Variants in PXDNL observed in about 807,000 individuals in gnomAD.
PXDNL encodes peroxidasin like, also known as probable oxidoreductase PXDNL.
In PXDNL, 145 loss-of-function variants were observed where a neutral mutation model predicts 150.8. The observed-to-expected ratio is 0.96, with a 90% confidence interval of 0.84 to 1.10. The LOEUF is 1.10. Among genes scored for constraint, PXDNL ranks in the 50% least tolerant of loss-of-function variants. PXDNL has a pLI of 0.00. For missense variants in PXDNL, 2,087 were observed against 1,873.9 expected (o/e 1.11, Z -2.10); for synonymous variants, 757 against 725.7 (o/e 1.04, Z -0.69).
chr8:51,507,002 A>C (rs1271663290), intron 4 of PXDNL, among the ~76,000 whole-genome samples: 1 of 152,102 alleles, frequency 6.6e-6, no homozygotes, highest in Non-Finnish European at 1.5e-5. Flanking sequence ...TTTTCCATTA[A>C]GGACTTAGTG....
At chr8:51,795,153 T>TA (rs2037548541) in intron 1 of PXDNL, among the ~76,000 whole-genome samples, 2 of 152,278 alleles carry the variant, frequency 1.3e-5, no homozygotes, top group East Asian at 3.9e-4. Context: ...AAAAAGCTCT[T>TA]AGAGACCTAC....
intron 19 of PXDNL, among the ~76,000 whole-genome samples, chr8:51,369,071 G>C (rs1807012219): frequency 6.6e-6 from 1 of 152,124 alleles, no homozygotes; most frequent in African/African-American, 2.4e-5. Flanking sequence ...AGTGAGATTA[G>C]CAAAGGAGAG....
At chr8:51,713,695 T>A (rs1348767660) in intron 1 of PXDNL, among the ~76,000 whole-genome samples, 1 of 152,144 alleles carries the variant, frequency 6.6e-6, no homozygotes, top group Non-Finnish European at 1.5e-5. Context: ...AGAAAAAAAA[T>A]TCAATGAAGA....
At chr8:51,733,162 C>T (rs1034497228) in intron 1 of PXDNL, among the ~76,000 whole-genome samples, 1 of 152,128 alleles carries the variant, frequency 6.6e-6, no homozygotes, top group South Asian at 2.1e-4. Flanking sequence ...GCTTTAGAAC[C>T]AAATCCAAGA....
At chr8:51,355,077 A>T (rs1806464827) in intron 19 of PXDNL, among the ~76,000 whole-genome samples, 1 of 152,178 alleles carries the variant, frequency 6.6e-6, no homozygotes, top group Admixed American at 6.5e-5. Context: ...AAAAATAGCA[A>T]AAACTGTCAA....
intron 4 of PXDNL, among the ~76,000 whole-genome samples, chr8:51,516,536 C>A (rs139873709): frequency 6.6e-6 from 1 of 152,214 alleles, no homozygotes; most frequent in South Asian, 2.1e-4. Flanking sequence ...TTGTTGATGG[C>A]GCTTTATTTT....
intron 17 of PXDNL, among the ~76,000 whole-genome samples, chr8:51,377,906 G>A (rs1807389379): frequency 6.6e-6 from 1 of 152,250 alleles, no homozygotes. Flanking sequence ...GAGGAGTGCA[G>A]GAGCAGAGCA....
chr8:51,539,948 T>C lies in PXDNL; in HGVS notation c.380+16892A>G, dbSNP rs200610223. 1.6e-3 allele frequency among the ~76,000 whole-genome samples: 239 copies of C among 152,196 alleles called. 7 individuals are homozygous for C. In the East Asian group the frequency reaches 0.03, roughly 19 times the overall value. Reference sequence around the variant, plus strand: ...TCAGTTATCTACTACCTTTTTTTTTTTTTAGACAGAGTCTCACTCTGTCAA... The same window carrying C: ...TCAGTTATCTACTACCTTTTTTTTTCTTTAGACAGAGTCTCACTCTGTCAA... On this transcript the variant is annotated intron_variant, in intron 4 of 22. Coordinates refer to ENST00000356297, the MANE Select transcript of PXDNL (RefSeq NM_144651.5).
At chr8:51,783,513 C>T (rs2037434254) in intron 1 of PXDNL, among the ~76,000 whole-genome samples, 1 of 152,162 alleles carries the variant, frequency 6.6e-6, no homozygotes, top group South Asian at 2.1e-4. Flanking sequence ...AGAGTTCACC[C>T]CAGCAGTATA....
intron 2 of PXDNL, among the ~76,000 whole-genome samples, chr8:51,601,219 T>C (rs1813714354): frequency 6.6e-6 from 1 of 151,798 alleles, no homozygotes; most frequent in Non-Finnish European, 1.5e-5. Flanking sequence ...GAGTATTCCG[T>C]AATGTTTATT....
intron 1 of PXDNL, among the ~76,000 whole-genome samples, chr8:51,740,649 C>T (rs2036895440): frequency 6.6e-6 from 1 of 151,832 alleles, no homozygotes; most frequent in South Asian, 2.1e-4. Context: ...TTTCTATTCA[C>T]GTCCTTTGCC....
intron 21 of PXDNL, among the ~76,000 whole-genome samples, chr8:51,331,172 A>G (rs1009880868): frequency 6.6e-6 from 1 of 152,172 alleles, no homozygotes; most frequent in African/African-American, 2.4e-5. Context: ...CAGAAGTGGG[A>G]AAAGGAAACC....
intron 1 of PXDNL, among the ~76,000 whole-genome samples, chr8:51,778,061 G>A (rs2037371360): frequency 6.6e-6 from 1 of 152,076 alleles, no homozygotes; most frequent in Admixed American, 6.5e-5. Flanking sequence ...AATTGGCCGG[G>A]TGTGGTGGCT....
At position 51,393,882 on chromosome 8, in the gene PXDNL, A is replaced by G. The variant is rs913303914; in HGVS notation, c.3557+14185T>C. ...CCCTGATTTTAGCCCAGCAAGACCA[A>G]TTTCCGACTCCTGACCTCTGAAGTA... On this transcript the variant is annotated intron_variant, in intron 17 of 22. Transcript: ENST00000356297. Among the ~76,000 whole-genome samples, 6 of 152,360 alleles carry G rather than the reference A, an allele frequency of 3.9e-5. No homozygotes were observed. The South Asian group carries it at 1.2e-3, about 32-fold the overall frequency.
rs141990788 is a variant in PXDNL at position 51,556,671 on chromosome 8, A to G, written c.380+169T>C. 1.2e-3 allele frequency among the ~76,000 whole-genome samples: 181 copies of G among 152,256 alleles called. 1 individual carries two copies. Among genetic ancestry groups the G allele is most frequent in the African/African-American group, 4.2e-3 (173 of 41,576 alleles). On this transcript the variant is annotated intron_variant, in intron 4 of 22. Transcript: ENST00000356297. ...TGTCTGTCTTCCTATCCTTATGCCAACTCAATCATACATTCTGATTTTTAT... is the reference window on the plus strand; with the variant it reads ...TGTCTGTCTTCCTATCCTTATGCCAGCTCAATCATACATTCTGATTTTTAT...
intron 1 of PXDNL, among the ~76,000 whole-genome samples, chr8:51,710,673 T>C (rs2976214): frequency 0.028 from 4,332 of 152,282 alleles, 207 homozygotes; most frequent in African/African-American, 0.098. Context: ...AGATCCCCCA[T>C]AGGAGTGAGC....
chr8:51,382,743 T>C (rs914408590), intron 17 of PXDNL, among the ~76,000 whole-genome samples: 2 of 152,164 alleles, frequency 1.3e-5, no homozygotes, highest in Admixed American at 6.5e-5. Flanking sequence ...AATTAAATTA[T>C]GCAGAATATG....
chr8:51,430,808 C>T (rs1809229664), intron 12 of PXDNL, among the ~76,000 whole-genome samples: 1 of 152,188 alleles, frequency 6.6e-6, no homozygotes, highest in Non-Finnish European at 1.5e-5. Flanking sequence ...CCACCATTTT[C>T]TTGCATTTCT....
Position 51,644,335 on chromosome 8 carries a change from TATACACACAC to T in PXDNL, c.236+10344_236+10353del, listed in dbSNP as rs1814857220. ...GCACATTTTTACATATATATATATA[TATACACACAC>T]ACACACACACACACACACATATGTA... is the stretch of plus-strand genomic sequence containing the variant. On this transcript the variant is annotated intron_variant, in intron 2 of 22. Coordinates refer to ENST00000356297, the MANE Select transcript of PXDNL (RefSeq NM_144651.5). Among the ~76,000 whole-genome samples the T allele has an allele frequency of 6.2e-5, 3 of 48,696 alleles. 1 individual carries two copies. Among genetic ancestry groups the T allele is most frequent in the African/African-American group, 1.3e-4 (3 of 22,768 alleles). 31.9% of individuals were successfully genotyped at this position (48,696 alleles called of 152,430 possible).
Sources: gnomAD v4.1 joint callset for allele counts (sites outside exome capture counted in the v4.1 genomes callset) on GRCh38, gnomAD v4.1.1 for gene constraint, MANE v1.5 for transcripts, NCBI Gene and HGNC (gene_info 2026-07-23, HGNC 2026-07-21) for gene names.